Variants in MRI1 observed in about 807,000 individuals in gnomAD.
The protein encoded by MRI1 is methylthioribose-1-phosphate isomerase.
In MRI1, 32 loss-of-function variants were observed where a neutral mutation model predicts 27.3. The observed-to-expected ratio is 1.17, with a 90% confidence interval of 0.88 to 1.57. The LOEUF is 1.57. Ranked by LOEUF, MRI1 falls within the 40% of genes most tolerant of loss-of-function variation. MRI1 has a pLI of 0.00. For synonymous variants in MRI1, 216 were observed against 227.4 expected (o/e 0.95, Z 0.45); for missense variants, 508 against 516.1 (o/e 0.98, Z 0.15).
In MRI1 at chr19:13,773,248, T is replaced by TC. The variant is rs1199755517; in HGVS notation, c.*972dup. On this transcript the variant is annotated 3_prime_UTR_variant, in exon 6 of 6. Transcript: ENST00000040663. ...GGTCTCGAACTCCTGACTCAAATGATCCCCCTGCCTCAGCCTCCCAAAGTG... is the reference window on the plus strand; with the variant it reads ...GGTCTCGAACTCCTGACTCAAATGATCCCCCCTGCCTCAGCCTCCCAAAGTG... 2.0e-5 allele frequency: 3 copies of TC among 151,962 alleles called. No homozygotes were observed. Among genetic ancestry groups the TC allele is most frequent in the Non-Finnish European group, 4.4e-5 (3 of 68,004 alleles). 9.4% of individuals were successfully genotyped at this position (151,962 alleles called of 1,614,324 possible). A position where few individuals can be genotyped will look rare whatever the true frequency, so the allele number is the denominator to read the frequency against.
rs776492153 is a variant in MRI1, at chr19:13,764,702, G to C, written c.114G>C (p.Glu38Asp). ...EAVGSVHQAW[E>D]AIRAMKVRGA... ...TGGGCTCGGTGCACCAGGCCTGGGAGGCCATCCGCGCCATGAAGGTGCAGC... is the reference window on the plus strand; with the variant it reads ...TGGGCTCGGTGCACCAGGCCTGGGACGCCATCCGCGCCATGAAGGTGCAGC... The change falls in exon 1 of 6, where the codon GAG becomes GAC. Residue 38 changes from glutamate to aspartate, a missense_variant. By Grantham distance (45) the Glu-to-Asp change is conservative (BLOSUM62 2). This residue lies in a region of MRI1 where 19 missense variants were observed against 43.0 expected (regional missense o/e 0.44). Transcript: ENST00000040663. 1.3e-6 allele frequency: 2 copies of C among 1,529,024 alleles called. No individual in the cohort carries two copies. The highest frequency in any genetic ancestry group is 1.8e-6 in the Non-Finnish European group (2 of 1,141,208). 94.7% of individuals were successfully genotyped at this position (1,529,024 alleles called of 1,614,324 possible).
rs949819662 is a variant in MRI1, at chr19:13,768,603, C to G, written c.590C>G (p.Ala197Gly). Residue 197 changes from alanine (A) to glycine (G), a missense_variant, in exon 4 of 6, where the codon GCC becomes GGC. Coordinates refer to ENST00000040663, the MANE Select transcript of MRI1 (RefSeq NM_001031727.4). ...SLHSLGRLEH[A>G]FCTETRPYNQ... is the part of the protein sequence containing the mutation. ...CACAGCCTGGGCCGCCTGGAGCATG[C>G]CTTCTGCACAGAGACCCGGCCCTAC... 2 of 1,612,044 alleles carry G rather than the reference C, an allele frequency of 1.2e-6. No individual in the cohort carries two copies. The highest frequency in any genetic ancestry group is 1.6e-4 in the Middle Eastern group (1 of 6,062).
intron 3 of MRI1, among the ~76,000 whole-genome samples, chr19:13,767,366 G>A (rs946114056): frequency 9.9e-5 from 15 of 151,964 alleles, no homozygotes; most frequent in South Asian, 4.2e-4. Context: ...ATTTTAAATC[G>A]TGTCTAGATT....
At chr19:13,765,146 G>T (rs1319406264) in intron 2 of MRI1, 37 bp downstream of exon 2, 2 of 1,447,580 alleles carry the variant, frequency 1.4e-6, no homozygotes, top group South Asian at 1.3e-5. Context: ...CGCTGAGCAG[G>T]AATTATATTG....
intron 2 of MRI1, 126 bp downstream of exon 2, chr19:13,765,235 C>T (rs1325787681): frequency 1.3e-6 from 1 of 758,218 alleles, no homozygotes; most frequent in African/African-American, 1.8e-5. Flanking sequence ...GTCCAGGGCC[C>T]CACAGATGGG....
intron 3 of MRI1, 138 bp downstream of exon 3, chr19:13,766,267 C>G (rs542311476): frequency 2.0e-4 from 141 of 716,838 alleles, no homozygotes; most frequent in Admixed American, 1.1e-4. Flanking sequence ...AACACTTATA[C>G]AGTTGGCTTC....
At chr19:13,768,373 T>C in intron 3 of MRI1, 188 bp from the exon 4 acceptor site, 1 of 1,478,560 alleles carries the variant, frequency 6.8e-7, no homozygotes, top group East Asian at 2.5e-5. Flanking sequence ...GAAACGGAGC[T>C]ATGCGAGCAT....
Position 13,766,145 on chromosome 19 carries a change from C to T in MRI1, c.547+16C>T. The T allele has an allele frequency of 6.6e-7, 1 of 1,519,102 alleles. No homozygotes were observed. The highest frequency in any genetic ancestry group is 1.3e-5 in the South Asian group (1 of 78,982). 94.1% of individuals were successfully genotyped at this position (1,519,102 alleles called of 1,614,324 possible). Reference sequence around the variant, plus strand: ...ACAGCCCTAGGTGAGAGGGCCTCCTCAGGGGGTAGGGGAGGGCCTTCTAGG... The same window carrying T: ...ACAGCCCTAGGTGAGAGGGCCTCCTTAGGGGGTAGGGGAGGGCCTTCTAGG... On this transcript the variant is annotated intron_variant, in intron 3 of 5. Transcript: ENST00000040663.
chr19:13,772,382 T>A lies in MRI1; in HGVS notation c.*101T>A. On this transcript the variant is annotated 3_prime_UTR_variant, in exon 6 of 6. Transcript: ENST00000040663. ...TCCAGCCCCTGACCACACTTGTTCC[T>A]AGTGCAGGGAGCTCAGACAGGGCCT... The A allele has an allele frequency of 8.4e-7, 1 of 1,187,336 alleles. No individual in the cohort carries two copies. The highest frequency in any genetic ancestry group is 2.6e-5 in the East Asian group (1 of 37,928). 73.6% of individuals were successfully genotyped at this position (1,187,336 alleles called of 1,614,324 possible).
At chr19:13,766,222 C>G (rs571635711) in intron 3 of MRI1, 93 bp downstream of exon 3, 1 of 1,231,578 alleles carries the variant, frequency 8.1e-7, no homozygotes, top group South Asian at 1.7e-5. Context: ...ACTTTATCCA[C>G]AAAAAAAATG....
Position 13,768,561 on chromosome 19 carries a change from G to A in MRI1, c.548G>A (p.Gly183Asp), listed in dbSNP as rs760856090. Residue 183 changes from glycine (G) to aspartate (D), a missense_variant and splice_region_variant, in exon 4 of 6, where the codon GGT becomes GAT. By Grantham distance (94) the Gly-to-Asp change is moderately conservative. Around this residue, in one of 3 missense-constraint regions of MRI1, gnomAD observed 457 missense variants for 452.8 expected, o/e 1.01. Transcript: ENST00000040663. ...LATAGYGTAL[G>D]VIRSLHSLGR... is the part of the protein sequence containing the mutation. Reference sequence around the variant, plus strand: ...CTCCTGGTGGGTGGGGCCCCCGCAGGTGTGATTCGCTCACTGCACAGCCTG... The same window carrying A: ...CTCCTGGTGGGTGGGGCCCCCGCAGATGTGATTCGCTCACTGCACAGCCTG... The A allele has an allele frequency of 1.2e-6, 2 of 1,603,706 alleles. No homozygotes were observed. The highest frequency in any genetic ancestry group is 1.7e-6 in the Non-Finnish European group (2 of 1,175,664).
intron 3 of MRI1, among the ~76,000 whole-genome samples, chr19:13,767,443 T>C (rs1306856593): frequency 2.0e-5 from 3 of 151,052 alleles, no homozygotes; most frequent in Non-Finnish European, 4.4e-5. Context: ...GTAGTGGCGG[T>C]GCAGGCCTGT....
chr19:13,767,231 G>A (rs1180384810), intron 3 of MRI1, among the ~76,000 whole-genome samples: 1 of 151,134 alleles, frequency 6.6e-6, no homozygotes, highest in Non-Finnish European at 1.5e-5. Context: ...ATTTTTAGTA[G>A]GGACGGGGTT....
chr19:13,772,396 C>G lies in MRI1; in HGVS notation c.*115C>G, dbSNP rs1974287507. The G allele has an allele frequency of 1.4e-5, 14 of 992,128 alleles. No individual in the cohort carries two copies. The South Asian group carries it at 2.5e-4, about 18-fold the overall frequency. The allele number at this position is 992,128 out of a possible 1,614,324, so 61.5% of individuals were successfully genotyped here. ...ACACTTGTTCCTAGTGCAGGGAGCTCAGACAGGGCCTTCCATCTAGAGCCC... is the reference window on the plus strand; with the variant it reads ...ACACTTGTTCCTAGTGCAGGGAGCTGAGACAGGGCCTTCCATCTAGAGCCC... On this transcript the variant is annotated 3_prime_UTR_variant, in exon 6 of 6. Coordinates refer to ENST00000040663, the MANE Select transcript of MRI1 (RefSeq NM_001031727.4).
chr19:13,767,021 ATATATATATATATATATTTTTTTTTTTTT>A (rs1425641386), intron 3 of MRI1, among the ~76,000 whole-genome samples: 3 of 11,378 alleles, frequency 2.6e-4, no homozygotes, highest in Non-Finnish European at 5.5e-4. Flanking sequence ...ATATATATAT[ATATATATATATATATATTTTTTTTTTTTT>A]TTTTTTTTTT....
In MRI1 at chr19:13,766,112, G is replaced by T. The variant is rs1245852086; in HGVS notation, c.530G>T (p.Gly177Val). The T allele has an allele frequency of 5.6e-6, 9 of 1,597,656 alleles. No homozygotes were observed. Among genetic ancestry groups the T allele is most frequent in the Non-Finnish European group, 7.7e-6 (9 of 1,169,948 alleles). ...HCNTGALATA[G>V]YGTALGVIRS... ...AACACTGGTGCTCTGGCCACCGCTG[G>T]CTATGGTACAGCCCTAGGTGAGAGG... The change falls in exon 3 of 6, where the codon GGC (glycine) becomes GTC (valine). Residue 177 changes from glycine to valine, a missense_variant. Physicochemically the swap from Gly to Val is moderately radical, Grantham distance 109. Transcript: ENST00000040663.
intron 3 of MRI1, 122 bp downstream of exon 3, chr19:13,766,251 T>G: frequency 1.1e-6 from 1 of 909,126 alleles, no homozygotes; most frequent in South Asian, 2.0e-5. Context: ...CTAGTTCTAG[T>G]ACGGAAACAC....
rs1974320714 is a variant in MRI1 at position 13,773,704 on chromosome 19, C to G, written c.*1423C>G. 6.6e-6 allele frequency: 1 copy of G among 152,390 alleles called. No individual in the cohort carries two copies. Among genetic ancestry groups the G allele is most frequent in the South Asian group, 2.1e-4 (1 of 4,836 alleles). 9.4% of individuals were successfully genotyped at this position (152,390 alleles called of 1,614,324 possible). The stretch of plus-strand genomic sequence containing the variant: ...ACGGGGTCTCGCTCTGTCGCCCAGG[C>G]TGGAGTACAGTGGTGCCATCTCAGC... On this transcript the variant is annotated 3_prime_UTR_variant, in exon 6 of 6. Transcript: ENST00000040663.
chr19:13,768,278 C>A, intron 3 of MRI1: 1 of 761,700 alleles, frequency 1.3e-6, no homozygotes, highest in Admixed American at 2.0e-5. Context: ...GGACAGAGAG[C>A]AGGAAACTGA....
Sources: gnomAD v4.1 joint callset for allele counts (sites outside exome capture counted in the v4.1 genomes callset) on GRCh38, gnomAD v4.1.1 for gene constraint, gnomAD v4.1.1 regional missense constraint, MANE v1.5 for transcripts, NCBI Gene and HGNC (gene_info 2026-07-23, HGNC 2026-07-21) for gene names.